KCND2: variants seen among roughly 807,000 people sequenced by gnomAD.
KCND2 encodes the protein A-type voltage-gated potassium channel KCND2.
In KCND2, 16 loss-of-function variants were observed where a neutral mutation model predicts 54.4. The observed-to-expected ratio is 0.29, with a 90% CI of 0.20 to 0.45. The LOEUF is 0.45. Among genes scored for constraint, KCND2 ranks in the 20% least tolerant of loss-of-function variants. The pLI is 1.00. For synonymous variants in KCND2, 317 were observed against 310.7 expected, an observed-to-expected ratio of 1.02 and a Z score of -0.21; for missense variants, 486 against 824.2, an observed-to-expected ratio of 0.59 and a Z score of 5.02.
At chr7:120,454,886 A>G (rs1180892803) in intron 1 of KCND2, among the ~76,000 whole-genome samples, 2 of 152,240 alleles carry the variant, frequency 1.3e-5, no homozygotes, top group Non-Finnish European at 2.9e-5. Flanking sequence ...CTATAAAGCA[A>G]CAATGTCCAA....
At chr7:120,627,487 T>A (rs1417944942) in intron 1 of KCND2, among the ~76,000 whole-genome samples, 1 of 152,178 alleles carries the variant, frequency 6.6e-6, no homozygotes, top group Non-Finnish European at 1.5e-5. Flanking sequence ...TATCAAATTT[T>A]CCAATAATTT....
chr7:120,540,928 A>C (rs936209573), intron 1 of KCND2, among the ~76,000 whole-genome samples: 1 of 152,196 alleles, frequency 6.6e-6, no homozygotes, highest in African/African-American at 2.4e-5. Flanking sequence ...TGATAGTTTC[A>C]GATTGACTAG....
intron 1 of KCND2, among the ~76,000 whole-genome samples, chr7:120,716,660 A>G (rs1392033981): frequency 3.3e-5 from 5 of 152,094 alleles, no homozygotes; most frequent in African/African-American, 9.7e-5. Flanking sequence ...AATAGCCTCA[A>G]GTTTGGATTT....
chr7:120,730,681 A>G (rs1392327194), intron 1 of KCND2, among the ~76,000 whole-genome samples: 1 of 152,184 alleles, frequency 6.6e-6, no homozygotes, highest in Non-Finnish European at 1.5e-5. Flanking sequence ...TCACCCACAA[A>G]CACCAACAGG....
chr7:120,582,222 C>T (rs1387248341), intron 1 of KCND2, among the ~76,000 whole-genome samples: 1 of 152,098 alleles, frequency 6.6e-6, no homozygotes, highest in Non-Finnish European at 1.5e-5. Flanking sequence ...CCTCGCTGTC[C>T]CTAAAAGATC....
chr7:120,297,257 A>G (rs1164674109), intron 1 of KCND2, among the ~76,000 whole-genome samples: 1 of 152,036 alleles, frequency 6.6e-6, no homozygotes, highest in East Asian at 1.9e-4. Context: ...GCCACTCTCT[A>G]TGTCCACATG....
chr7:120,452,537 ACAGGACTACTGAGCAC>A (rs2116220757), intron 1 of KCND2, among the ~76,000 whole-genome samples: 1 of 152,256 alleles, frequency 6.6e-6, no homozygotes, highest in East Asian at 1.9e-4. Context: ...GGAAACCTGC[ACAGGACTACTGAGCAC>A]CAGGACCTGT....
intron 1 of KCND2, among the ~76,000 whole-genome samples, chr7:120,370,227 G>T (rs1800746925): frequency 6.6e-6 from 1 of 151,970 alleles, no homozygotes; most frequent in Non-Finnish European, 1.5e-5. Flanking sequence ...AGGGAGAATA[G>T]CTCCCTGGAG....
intron 1 of KCND2, among the ~76,000 whole-genome samples, chr7:120,385,774 A>G (rs1474405798): frequency 2.0e-5 from 3 of 152,152 alleles, no homozygotes; most frequent in African/African-American, 4.8e-5. Context: ...CTTGATATAC[A>G]GAGTTTTCTC....
intron 1 of KCND2, among the ~76,000 whole-genome samples, chr7:120,323,133 A>T (rs1183202030): frequency 6.6e-6 from 1 of 151,140 alleles, no homozygotes; most frequent in African/African-American, 2.4e-5. Flanking sequence ...TTGCCCTAAT[A>T]CTCTCCCTTT....
At chr7:120,482,336 A>G (rs1802617920) in intron 1 of KCND2, among the ~76,000 whole-genome samples, 4 of 152,140 alleles carry the variant, frequency 2.6e-5, no homozygotes, top group East Asian at 1.9e-4. Flanking sequence ...AGTCTCACCC[A>G]TATCTTACTT....
chr7:120,671,235 CTAGT>C (rs1791989807), intron 1 of KCND2, among the ~76,000 whole-genome samples: 1 of 152,052 alleles, frequency 6.6e-6, no homozygotes, highest in African/African-American at 2.4e-5. Context: ...AGTTTTTCCA[CTAGT>C]TAGATTTTCA....
intron 1 of KCND2, among the ~76,000 whole-genome samples, chr7:120,553,453 A>C (rs1158560312): frequency 6.6e-6 from 1 of 152,174 alleles, no homozygotes; most frequent in African/African-American, 2.4e-5. Context: ...TTGTTTCCAA[A>C]ATCTTGGTTA....
At chr7:120,334,000 A>G (rs1800107436) in intron 1 of KCND2, among the ~76,000 whole-genome samples, 1 of 152,170 alleles carries the variant, frequency 6.6e-6, no homozygotes, top group African/African-American at 2.4e-5. Context: ...AGAATTTTGT[A>G]TGCTATAGTA....
chr7:120,323,398 C>G (rs1181542873), intron 1 of KCND2, among the ~76,000 whole-genome samples: 3 of 152,060 alleles, frequency 2.0e-5, no homozygotes, highest in Non-Finnish European at 4.4e-5. Context: ...GCTGCACCCA[C>G]TAACTCGTCA....
At chr7:120,709,598 T>C (rs942425152) in intron 1 of KCND2, among the ~76,000 whole-genome samples, 2 of 152,182 alleles carry the variant, frequency 1.3e-5, no homozygotes, top group South Asian at 2.1e-4. Flanking sequence ...CAGCTAAGTA[T>C]TTGGTTAAGA....
At chr7:120,509,520 AT>A (rs1331425339) in intron 1 of KCND2, among the ~76,000 whole-genome samples, 2 of 152,124 alleles carry the variant, frequency 1.3e-5, no homozygotes, top group Non-Finnish European at 2.9e-5. Context: ...TTGAATTGCC[AT>A]TTAAATTTAC....
chr7:120,727,721 G>A (rs1307265652), intron 1 of KCND2, among the ~76,000 whole-genome samples: 2 of 152,144 alleles, frequency 1.3e-5, no homozygotes, highest in Non-Finnish European at 2.9e-5. Context: ...AAGAAAGGGA[G>A]CCATAAACAT....
intron 1 of KCND2, among the ~76,000 whole-genome samples, chr7:120,595,477 A>ATATG (rs1245635289): frequency 8.7e-6 from 1 of 115,534 alleles, no homozygotes; most frequent in East Asian, 2.2e-4. Flanking sequence ...ATATATATAT[A>ATATG]TATGTGTATA....
Sources: allele counts gnomAD v4.1 joint callset (sites outside exome capture counted in the v4.1 genomes callset), GRCh38; gene constraint gnomAD v4.1.1; transcripts MANE v1.5; gene names NCBI Gene and HGNC (gene_info 2026-07-23, HGNC 2026-07-21).